AGBL3: variants seen among roughly 807,000 people sequenced by gnomAD.
AGBL3 encodes AGBL carboxypeptidase 3.
AGBL3 carries 68 observed loss-of-function variants against 94.5 expected under a neutral mutation model. The ratio of observed to expected loss-of-function variants is 0.72; its 90% confidence interval spans 0.59 to 0.88. AGBL3 has a LOEUF of 0.88. Ranked by LOEUF, AGBL3 falls within the 40% of genes least tolerant of loss-of-function variation. AGBL3 has a pLI of 0.00. For missense variants in AGBL3, 934 were observed against 1,103.8 expected (o/e 0.85, Z 2.18); for synonymous variants, 354 against 370.7 (o/e 0.95, Z 0.52).
intron 15 of AGBL3, among the ~76,000 whole-genome samples, chr7:135,111,797 C>T (rs186725929): frequency 6.6e-6 from 1 of 152,142 alleles, no homozygotes; most frequent in Admixed American, 6.5e-5. Flanking sequence ...GTCTTTCTCA[C>T]CACATACTTT....
At chr7:135,098,840 G>A (rs1823325495) in intron 15 of AGBL3, among the ~76,000 whole-genome samples, 1 of 152,054 alleles carries the variant, frequency 6.6e-6, no homozygotes. Context: ...TATTTACATT[G>A]ATCTTTTAAA....
intron 15 of AGBL3, among the ~76,000 whole-genome samples, chr7:135,091,400 T>C (rs1821836857): frequency 6.6e-6 from 1 of 152,198 alleles, no homozygotes; most frequent in Admixed American, 6.5e-5. Flanking sequence ...TTCAAAAAAT[T>C]GACGCTTGAT....
intron 13 of AGBL3, 100 bp from the exon 14 acceptor site, chr7:135,080,103 T>C: frequency 1.1e-6 from 1 of 920,500 alleles, no homozygotes; most frequent in African/African-American, 1.7e-5. Flanking sequence ...AAATGAGAAA[T>C]ATTTGTTAAA....
At chr7:134,991,206 G>GC (rs1554488026) in intron 3 of AGBL3, among the ~76,000 whole-genome samples, 1 of 112,252 alleles carries the variant, frequency 8.9e-6, no homozygotes, top group Non-Finnish European at 1.8e-5. Context: ...GTGGGTGGGG[G>GC]GGGGGTTGGT....
At chr7:135,034,081 T>C (rs1265038247) in intron 6 of AGBL3, 68 bp from the exon 7 acceptor site, 2 of 1,287,868 alleles carry the variant, frequency 1.6e-6, no homozygotes, top group Non-Finnish European at 2.0e-6. Context: ...AAATTTTACA[T>C]TGGTTTTTTA....
intron 15 of AGBL3, among the ~76,000 whole-genome samples, chr7:135,101,911 A>G (rs934117810): frequency 1.3e-5 from 2 of 152,134 alleles, no homozygotes; most frequent in African/African-American, 4.8e-5. Flanking sequence ...TGCTGTCCTC[A>G]TGATAGTAAA....
intron 5 of AGBL3, among the ~76,000 whole-genome samples, chr7:135,030,446 G>C (rs939607029): frequency 2.0e-5 from 3 of 152,128 alleles, no homozygotes; most frequent in African/African-American, 7.2e-5. Context: ...TGTAAAGCTG[G>C]AAAATCATAA....
chr7:135,032,956 T>C lies in AGBL3; in HGVS notation c.531T>C (p.Ser177=). The C allele has an allele frequency of 6.4e-7, 1 of 1,550,706 alleles. No individual in the cohort carries two copies. ...TGATGTTTGAAGCAAGGTTTGAGAG[T>C]GGTAATCTACAGAAGGTAGTCAAAG... The part of the protein sequence containing the change: ...NTLMFEARFE[S]GNLQKVVKVA... The change falls in exon 6 of 17, where the codon AGT becomes AGC. Residue 177 remains serine (S), a synonymous_variant. Transcript: ENST00000436302.
At chr7:134,999,183 G>A (rs62480986) in intron 4 of AGBL3, among the ~76,000 whole-genome samples, 48,449 of 152,070 alleles carry the variant, frequency 0.32, 7,769 homozygotes, top group Middle Eastern at 0.46. Flanking sequence ...AATTGCCACA[G>A]TATCTTCTGT....
At chr7:135,000,704 A>G (rs1163011468) in intron 4 of AGBL3, among the ~76,000 whole-genome samples, 1 of 152,196 alleles carries the variant, frequency 6.6e-6, no homozygotes, top group Non-Finnish European at 1.5e-5. Flanking sequence ...TCACAGGGGC[A>G]TTTTCAACTA....
chr7:135,005,994 C>CT, intron 4 of AGBL3, among the ~76,000 whole-genome samples: 1 of 151,764 alleles, frequency 6.6e-6, no homozygotes, highest in South Asian at 2.1e-4. Context: ...AATTATAAAT[C>CT]TTTTTTAAAA....
At chr7:135,067,264 G>T (rs905677353) in intron 12 of AGBL3, among the ~76,000 whole-genome samples, 1 of 152,208 alleles carries the variant, frequency 6.6e-6, no homozygotes, top group Admixed American at 6.5e-5. Context: ...TGAGCCCACC[G>T]CAGCTCAAGG....
intron 15 of AGBL3, among the ~76,000 whole-genome samples, chr7:135,103,085 G>A (rs929309611): frequency 6.6e-6 from 1 of 152,064 alleles, no homozygotes; most frequent in South Asian, 2.1e-4. Context: ...ACAATACTCC[G>A]GCAGAATCCA....
At chr7:135,076,901 C>CA (rs1209758054) in intron 13 of AGBL3, among the ~76,000 whole-genome samples, 2 of 138,208 alleles carry the variant, frequency 1.4e-5, no homozygotes, top group Non-Finnish European at 3.2e-5. Context: ...CAACAACAAA[C>CA]AACAACAGAT....
At chr7:135,084,684 T>A (rs1047183487) in intron 15 of AGBL3, among the ~76,000 whole-genome samples, 3 of 152,216 alleles carry the variant, frequency 2.0e-5, no homozygotes, top group African/African-American at 7.2e-5. Context: ...TTGTTCTTTT[T>A]TATGGTTAAA....
intron 5 of AGBL3, among the ~76,000 whole-genome samples, chr7:135,020,593 T>C (rs1290711621): frequency 6.6e-6 from 1 of 152,190 alleles, no homozygotes; most frequent in Admixed American, 6.5e-5. Flanking sequence ...CATGCTGTTA[T>C]AAAGATACAT....
intron 5 of AGBL3, among the ~76,000 whole-genome samples, chr7:135,028,928 A>C (rs916878410): frequency 6.6e-6 from 1 of 152,234 alleles, no homozygotes; most frequent in African/African-American, 2.4e-5. Context: ...CATCTCCATC[A>C]GAACTCTTGG....
In AGBL3 at chr7:134,986,588, G is replaced by C. The variant is rs1024914194; in HGVS notation, c.-173G>C. On this transcript the variant is annotated 5_prime_UTR_variant, in exon 1 of 17. Coordinates refer to ENST00000436302, the MANE Select transcript of AGBL3 (RefSeq NM_178563.4). The stretch of plus-strand genomic sequence containing the variant: ...GCGTTACTTCTAGCGGCTGGATACC[G>C]GGTTCTCCGCGAGATCGCGAGATCC... 2 of 88,926 alleles carry C rather than the reference G, an allele frequency of 2.2e-5. No individual in the cohort carries two copies. The highest frequency in any genetic ancestry group is 4.5e-5 in the Non-Finnish European group (2 of 44,574). 5.5% of individuals were successfully genotyped at this position (88,926 alleles called of 1,614,324 possible).
chr7:135,012,117 T>A (rs539259859), intron 4 of AGBL3: 22 of 152,298 alleles, frequency 1.4e-4, no homozygotes, highest in African/African-American at 5.3e-4. Context: ...GTGGATTGAT[T>A]TCATGAATAT....
Sources: allele counts gnomAD v4.1 joint callset (sites outside exome capture counted in the v4.1 genomes callset), GRCh38; gene constraint gnomAD v4.1.1; transcripts MANE v1.5; gene names NCBI Gene and HGNC (gene_info 2026-07-23, HGNC 2026-07-21).